Variants in JCAD observed in about 807,000 individuals in gnomAD.
JCAD encodes junctional cadherin 5 associated, also known as junctional cadherin 5-associated protein.
A neutral mutation model predicts 98.0 loss-of-function variants in JCAD; 40 were observed. The observed-to-expected ratio is 0.41, with a 90% confidence interval of 0.32 to 0.53. The LOEUF (loss-of-function observed/expected upper bound fraction) is 0.53, where lower values mean the gene tolerates loss of function less well. Among genes scored for constraint, JCAD ranks in the 20% least tolerant of loss-of-function variants. JCAD has a pLI of 0.31. For synonymous variants in JCAD, 691 were observed against 682.3 expected (o/e 1.01, Z -0.20); for missense variants, 1,705 against 1,738.1 (o/e 0.98, Z 0.34).
intron 3 of JCAD, among the ~76,000 whole-genome samples, chr10:30,019,314 G>A (rs1467176555): frequency 4.8e-5 from 7 of 144,942 alleles, no homozygotes; most frequent in Admixed American, 1.4e-4. Flanking sequence ...CCGAGATGGC[G>A]CCATTGCACT....
At chr10:30,051,292 AC>A (rs1837465408) in intron 1 of JCAD, among the ~76,000 whole-genome samples, 1 of 151,474 alleles carries the variant, frequency 6.6e-6, no homozygotes, top group South Asian at 2.1e-4. Flanking sequence ...ACGCACACAC[AC>A]ACACACACAC....
intron 1 of JCAD, among the ~76,000 whole-genome samples, chr10:30,087,845 T>C (rs1838191087): frequency 6.6e-6 from 1 of 152,186 alleles, no homozygotes; most frequent in Admixed American, 6.5e-5. Flanking sequence ...CTGTAACCTT[T>C]GTTTGTTTGT....
intron 1 of JCAD, among the ~76,000 whole-genome samples, chr10:30,101,024 G>C (rs569021774): frequency 6.6e-6 from 1 of 152,236 alleles, no homozygotes; most frequent in Non-Finnish European, 1.5e-5. Context: ...AAGATAACGA[G>C]TTATGGAGAT....
At chr10:30,073,927 G>T (rs913815861) in intron 1 of JCAD, among the ~76,000 whole-genome samples, 14 of 152,124 alleles carry the variant, frequency 9.2e-5, no homozygotes, top group Non-Finnish European at 1.2e-4. Flanking sequence ...ACAAGACTGC[G>T]AGATAACACT....
At chr10:30,060,211 T>C (rs150447580), upstream of JCAD, among the ~76,000 whole-genome samples, 361 of 152,084 alleles carry the variant, frequency 2.4e-3, no homozygotes, top group African/African-American at 8.5e-3. Flanking sequence ...TTTACTTCTT[T>C]CAAAAAAAAG....
chr10:30,114,664 A>T (rs1229871541), intron 1 of JCAD, among the ~76,000 whole-genome samples: 1 of 151,232 alleles, frequency 6.6e-6, no homozygotes, highest in African/African-American at 2.4e-5. Context: ...CTGTTCTTTT[A>T]GTTCAGGAGA....
intron 1 of JCAD, among the ~76,000 whole-genome samples, chr10:30,071,311 C>A (rs1165056779): frequency 6.6e-6 from 1 of 152,144 alleles, no homozygotes; most frequent in African/African-American, 2.4e-5. Context: ...GTTGTTTTTA[C>A]TTTCCCTAGC....
intron 1 of JCAD, among the ~76,000 whole-genome samples, chr10:30,108,836 CT>C (rs1262459047): frequency 2.0e-5 from 3 of 150,940 alleles, no homozygotes; most frequent in Admixed American, 1.3e-4. Flanking sequence ...AGGGCCCCTT[CT>C]ACGTGCTCAA....
chr10:30,103,796 A>G (rs1054747234), intron 1 of JCAD, among the ~76,000 whole-genome samples: 1 of 150,410 alleles, frequency 6.6e-6, no homozygotes, highest in Non-Finnish European at 1.5e-5. Flanking sequence ...CAATGACGCA[A>G]TCTTGGCTCA....
rs1487551133 is a variant in JCAD at position 30,026,748 on chromosome 10, G to C, written c.3400C>G (p.Pro1134Ala). 1 of 1,614,182 alleles carries C rather than the reference G, an allele frequency of 6.2e-7. No homozygotes were observed. The highest frequency in any genetic ancestry group is 1.1e-5 in the South Asian group (1 of 91,084). Residue 1134 changes from proline to alanine, a missense_variant, in exon 3 of 4, where the codon CCG becomes GCG. Physicochemically the swap from Pro to Ala is conservative, Grantham distance 27. Transcript: ENST00000375377. ...GTGGACACCCTGGGGACATCTGCCG[G>C]TGCTGGGCGAGATAGCAACTCTTCC... ...PQEELLSRPAPADVPRVSTDA... is the reference protein window; with the variant it reads ...PQEELLSRPAAADVPRVSTDA...
At chr10:30,097,953 G>A (rs1458710168) in intron 1 of JCAD, among the ~76,000 whole-genome samples, 1 of 152,064 alleles carries the variant, frequency 6.6e-6, no homozygotes, top group East Asian at 1.9e-4. Context: ...AACCACAGAG[G>A]CTCCAGGAAG....
chr10:30,036,877 T>C (rs1837122751), intron 2 of JCAD, among the ~76,000 whole-genome samples: 1 of 152,260 alleles, frequency 6.6e-6, no homozygotes, highest in Non-Finnish European at 1.5e-5. Flanking sequence ...GTCTAGCAGA[T>C]GCCTGCTGCT....
intron 2 of JCAD, among the ~76,000 whole-genome samples, chr10:30,039,772 T>C (rs1442504506): frequency 3.3e-5 from 5 of 152,160 alleles, no homozygotes; most frequent in South Asian, 4.1e-4. Flanking sequence ...CCCTGGGCAC[T>C]GGAGGGGCGG....
At chr10:30,088,786 T>C (rs1326341185) in intron 1 of JCAD, among the ~76,000 whole-genome samples, 2 of 151,922 alleles carry the variant, frequency 1.3e-5, no homozygotes, top group African/African-American at 2.4e-5. Flanking sequence ...TGGCCAACAT[T>C]GTGAAACCCC....
Position 30,027,538 on chromosome 10 carries a change from G to A in JCAD, c.2610C>T (p.Asn870=), listed in dbSNP as rs758219038. Residue 870 remains asparagine (N), a synonymous_variant, in exon 3 of 4, where the codon AAC becomes AAT. Coordinates refer to ENST00000375377, the MANE Select transcript of JCAD (RefSeq NM_020848.4). ...EESEAEPQQE[N]RAHCRQEDVG... ...CATCCTCCTGTCTGCAGTGAGCACG[G>A]TTCTCCTGCTGCGGCTCCGCCTCAC... 3.3e-5 allele frequency: 53 copies of A among 1,613,206 alleles called. No homozygotes were observed. The highest frequency in any genetic ancestry group is 4.2e-5 in the Non-Finnish European group (49 of 1,180,050).
intron 1 of JCAD, among the ~76,000 whole-genome samples, chr10:30,113,414 G>A (rs1838739538): frequency 6.6e-6 from 1 of 151,860 alleles, no homozygotes; most frequent in African/African-American, 2.4e-5. Flanking sequence ...AACCGGGCGT[G>A]GTGGCAGGCG....
intron 1 of JCAD, among the ~76,000 whole-genome samples, chr10:30,083,785 G>C (rs1276534168): frequency 1.3e-5 from 2 of 152,162 alleles, no homozygotes; most frequent in African/African-American, 2.4e-5. Context: ...CCAAAAGTTT[G>C]AGAGGCCAAG....
intron 1 of JCAD, among the ~76,000 whole-genome samples, chr10:30,100,034 C>T (rs1226517454): frequency 1.3e-5 from 2 of 152,144 alleles, no homozygotes; most frequent in Admixed American, 6.6e-5. Context: ...TGCGGTCTAA[C>T]CCTGGCCAAC....
chr10:30,029,836 G>C lies in JCAD; in HGVS notation c.312C>G (p.Ser104=), dbSNP rs775465650. Residue 104 remains serine (S), a synonymous_variant, in exon 3 of 4, where the codon TCC becomes TCG. Coordinates refer to ENST00000375377, the MANE Select transcript of JCAD (RefSeq NM_020848.4). ...GFCNQPPSAW[S]SHPPTGNDQA... is the part of the protein sequence containing the mutation. ...GGTCGTTACCAGTCGGGGGATGAGAGGACCATGCTGAGGGGGGTTGATTAC... is the reference window on the plus strand; with the variant it reads ...GGTCGTTACCAGTCGGGGGATGAGACGACCATGCTGAGGGGGGTTGATTAC... 13 of 1,614,158 alleles carry C rather than the reference G, an allele frequency of 8.1e-6. No homozygotes were observed. In the South Asian group the frequency reaches 1.3e-4, roughly 16 times the overall value.
Sources: allele counts gnomAD v4.1 joint callset (sites outside exome capture counted in the v4.1 genomes callset), GRCh38; gene constraint gnomAD v4.1.1; transcripts MANE v1.5; gene names NCBI Gene and HGNC (gene_info 2026-07-23, HGNC 2026-07-21).